Variants in MOCOS observed in about 807,000 individuals in gnomAD.
The protein encoded by MOCOS is human molybdenum cofactor sulfurase.
Under a neutral mutation model 83.6 loss-of-function variants are expected in MOCOS, and 86 were observed. The ratio of observed to expected loss-of-function variants is 1.03; its 90% CI spans 0.86 to 1.23. The LOEUF is 1.23. Among genes scored for constraint, MOCOS ranks in the 50% most tolerant of loss-of-function variants. MOCOS has a pLI of 0.00. For missense variants in MOCOS, 1,120 were observed against 1,126.9 expected (o/e 0.99, Z 0.09); for synonymous variants, 445 against 434.7 (o/e 1.02, Z -0.29).
At chr18:36,198,660 C>G in intron 2 of MOCOS, 30 bp from the exon 3 acceptor site, 1 of 1,611,942 alleles carries the variant, frequency 6.2e-7, no homozygotes, top group Non-Finnish European at 8.5e-7. Flanking sequence ...TAAGTAGTGA[C>G]TTGGTGGCCT....
intron 10 of MOCOS, among the ~76,000 whole-genome samples, chr18:36,249,821 A>G (rs1450365824): frequency 6.6e-6 from 1 of 152,164 alleles, no homozygotes; most frequent in African/African-American, 2.4e-5. Context: ...GGGGTTATCA[A>G]GACATCTCTC....
chr18:36,254,433 G>A (rs112469572), intron 11 of MOCOS, among the ~76,000 whole-genome samples: 2,261 of 150,396 alleles, frequency 0.015, 26 homozygotes, highest in South Asian at 0.053. Context: ...AATCTCGTGA[G>A]TATTCATTAC....
Position 36,251,159 on chromosome 18 carries a change from A to T in MOCOS, c.2040A>T (p.Arg680Ser). The T allele has an allele frequency of 6.2e-7, 1 of 1,612,684 alleles. No homozygotes were observed. Among genetic ancestry groups the T allele is most frequent in the South Asian group, 1.1e-5 (1 of 91,044 alleles). ...ACTCTTTCTCTCTCTCTTTTGCCAG[A>T]GTAAGTACTTATGATTGTGGAGAAA... ...QIRQSRVCAD[R>S]VSTYDCGEKI... is the part of the protein sequence containing the mutation. Residue 680 changes from arginine (R) to serine (S), a missense_variant and splice_region_variant, in exon 11 of 15, where the codon AGA (arginine) becomes AGT (serine). Transcript: ENST00000261326.
At chr18:36,187,901 G>A (rs1400223053) in intron 1 of MOCOS, among the ~76,000 whole-genome samples, 3 of 152,208 alleles carry the variant, frequency 2.0e-5, no homozygotes, top group Admixed American at 6.5e-5. Flanking sequence ...ACTTTCCGGT[G>A]GGCAGGACCA....
At chr18:36,260,305 G>T in intron 13 of MOCOS, 130 bp downstream of exon 13, 1 of 1,219,424 alleles carries the variant, frequency 8.2e-7, no homozygotes, top group Non-Finnish European at 1.2e-6. Flanking sequence ...AATCTTGGTG[G>T]GAGGTTATGT....
intron 2 of MOCOS, among the ~76,000 whole-genome samples, chr18:36,197,751 G>A (rs1047905316): frequency 6.6e-6 from 1 of 152,010 alleles, no homozygotes; most frequent in Non-Finnish European, 1.5e-5. Context: ...CAGCCTGGGT[G>A]ATAGAGTAAG....
At chr18:36,253,176 T>C (rs574012648) in intron 11 of MOCOS, among the ~76,000 whole-genome samples, 1 of 152,316 alleles carries the variant, frequency 6.6e-6, no homozygotes, top group Admixed American at 6.5e-5. Flanking sequence ...TTTACTGGGT[T>C]TCAGGAGGCT....
chr18:36,248,513 C>T (rs1598590865), intron 9 of MOCOS, among the ~76,000 whole-genome samples: 1 of 152,246 alleles, frequency 6.6e-6, no homozygotes, highest in Non-Finnish European at 1.5e-5. Flanking sequence ...AAATTGTTTG[C>T]CCAGACCAAT....
At chr18:36,188,986 T>G (rs76842131) in intron 1 of MOCOS, among the ~76,000 whole-genome samples, 17,976 of 151,996 alleles carry the variant, frequency 0.12, 1,235 homozygotes, top group South Asian at 0.16. Context: ...AGAGGGGTAC[T>G]ATGAATGCCT....
Position 36,248,955 on chromosome 18 carries a change from A to G in MOCOS, c.1994A>G (p.Asn665Ser). The change falls in exon 10 of 15, where the codon AAT (asparagine) becomes AGT (serine). Residue 665 changes from asparagine to serine, a missense_variant. Asn to Ser is a conservative substitution (Grantham distance 46, BLOSUM62 1). Transcript: ENST00000261326. ...MEPIEVPLEENSERTQIRQSR... is the reference protein window; with the variant it reads ...MEPIEVPLEESSERTQIRQSR... ...CCTATAGAGGTGCCTCTTGAGGAAAATAGTGAACGGACTCAGATTCGCCAA... is the reference window on the plus strand; with the variant it reads ...CCTATAGAGGTGCCTCTTGAGGAAAGTAGTGAACGGACTCAGATTCGCCAA... 1 of 1,614,176 alleles carries G rather than the reference A, an allele frequency of 6.2e-7. No individual in the cohort carries two copies. Among genetic ancestry groups the G allele is most frequent in the Non-Finnish European group, 8.5e-7 (1 of 1,180,020 alleles).
intron 1 of MOCOS, among the ~76,000 whole-genome samples, chr18:36,188,700 G>A (rs1200177003): frequency 6.6e-6 from 1 of 151,926 alleles, no homozygotes; most frequent in Non-Finnish European, 1.5e-5. Context: ...TGATTTCAGC[G>A]CTTCGGGTCA....
intron 9 of MOCOS, among the ~76,000 whole-genome samples, chr18:36,225,429 C>T (rs1682498410): frequency 1.3e-5 from 2 of 152,174 alleles, no homozygotes; most frequent in African/African-American, 4.8e-5. Context: ...GGATTACAAG[C>T]GTGAGCCACT....
At chr18:36,191,579 G>T (rs545273209) in intron 1 of MOCOS, among the ~76,000 whole-genome samples, 33 of 152,308 alleles carry the variant, frequency 2.2e-4, no homozygotes, top group Admixed American at 1.6e-3. Flanking sequence ...AAGTAGCTGG[G>T]ACTACAGGTG....
intron 13 of MOCOS, among the ~76,000 whole-genome samples, chr18:36,260,985 G>A (rs1321599967): frequency 1.3e-5 from 2 of 151,964 alleles, no homozygotes; most frequent in East Asian, 1.9e-4. Context: ...GCAGGGTCAC[G>A]TTCTGCTTAT....
intron 10 of MOCOS, among the ~76,000 whole-genome samples, chr18:36,250,553 G>A (rs574425906): frequency 6.6e-6 from 1 of 152,256 alleles, no homozygotes; most frequent in South Asian, 2.1e-4. Context: ...AGGCTAAAGA[G>A]TGAAGCACAC....
chr18:36,237,583 C>G (rs1268843437), intron 9 of MOCOS, among the ~76,000 whole-genome samples: 1 of 152,098 alleles, frequency 6.6e-6, no homozygotes, highest in Non-Finnish European at 1.5e-5. Context: ...GGATATTGGT[C>G]TAAAATTCTC....
At chr18:36,228,268 T>C (rs1186886701) in intron 9 of MOCOS, among the ~76,000 whole-genome samples, 2 of 152,204 alleles carry the variant, frequency 1.3e-5, no homozygotes, top group Non-Finnish European at 2.9e-5. Context: ...GAAGATAGTC[T>C]GGTGATTCCT....
chr18:36,263,662 A>G (rs2144156691), intron 13 of MOCOS, among the ~76,000 whole-genome samples: 1 of 152,178 alleles, frequency 6.6e-6, no homozygotes, highest in Admixed American at 6.5e-5. Context: ...ATGTCCTGGG[A>G]TGGTCTGCAG....
intron 1 of MOCOS, 22 bp downstream of exon 1, chr18:36,187,703 G>A: frequency 7.9e-7 from 1 of 1,260,742 alleles, no homozygotes; most frequent in Non-Finnish European, 1.0e-6. Flanking sequence ...GGGCAGGCTT[G>A]GGGGACACGA....
Sources: gnomAD v4.1 joint callset for allele counts (sites outside exome capture counted in the v4.1 genomes callset) on GRCh38, gnomAD v4.1.1 for gene constraint, MANE v1.5 for transcripts, NCBI Gene and HGNC (gene_info 2026-07-23, HGNC 2026-07-21) for gene names.